The following GCA variants were observed in gnomAD, a reference collection of about 807,000 sequenced individuals.
The protein encoded by GCA is grancalcin.
Under a neutral mutation model 32.6 loss-of-function variants are expected in GCA, and 30 were observed. The ratio of observed to expected loss-of-function variants is 0.92; its 90% CI spans 0.69 to 1.25. The LOEUF (loss-of-function observed/expected upper bound fraction) is 1.25, where lower values mean the gene tolerates loss of function less well. Among genes scored for constraint, GCA ranks in the 50% most tolerant of loss-of-function variants. The pLI, the probability that GCA is intolerant of heterozygous loss-of-function variation, is 0.00. For missense variants in GCA, 291 were observed against 266.8 expected (o/e 1.09, Z -0.63); for synonymous variants, 102 against 84.6 (o/e 1.21, Z -1.13).
intron 1 of GCA, among the ~76,000 whole-genome samples, chr2:162,333,890 C>T (rs1684177486): frequency 6.6e-6 from 1 of 152,098 alleles, no homozygotes; most frequent in African/African-American, 2.4e-5. Flanking sequence ...CACAGTGAAC[C>T]CTAGAGATAG....
intron 1 of GCA, among the ~76,000 whole-genome samples, chr2:162,336,398 A>C (rs1030365122): frequency 2.6e-5 from 4 of 152,194 alleles, no homozygotes; most frequent in African/African-American, 9.6e-5. Context: ...AATGGTTTCT[A>C]TGTCCTCACT....
intron 1 of GCA, among the ~76,000 whole-genome samples, chr2:162,327,817 T>C (rs1490346454): frequency 1.3e-5 from 2 of 152,216 alleles, no homozygotes; most frequent in African/African-American, 4.8e-5. Context: ...ACGCAGCCTG[T>C]AGCAAAACAC....
rs1685539683 is a variant in GCA at position 162,360,823 on chromosome 2, C to T, written c.*580C>T. 1 of 1,220,974 alleles carries T rather than the reference C, an allele frequency of 8.2e-7. No individual in the cohort carries two copies. 75.6% of individuals were successfully genotyped at this position (1,220,974 alleles called of 1,614,324 possible). On this transcript the variant is annotated 3_prime_UTR_variant, in exon 8 of 8. Coordinates refer to ENST00000437150, the MANE Select transcript of GCA (RefSeq NM_012198.5). ...TTCAATCTGTAGTGAAATAAGACTACAGAAGGCATTGTTTTTTCCTTTTTT... is the reference window on the plus strand; with the variant it reads ...TTCAATCTGTAGTGAAATAAGACTATAGAAGGCATTGTTTTTTCCTTTTTT...
chr2:162,374,093 TTTC>T (rs1160206082), downstream of GCA, among the ~76,000 whole-genome samples: 1 of 152,342 alleles, frequency 6.6e-6, no homozygotes, highest in Non-Finnish European at 1.5e-5. Flanking sequence ...CCCAGGATAA[TTTC>T]TTATGTGTTT....
chr2:162,352,315 A>C, intron 2 of GCA, 23 bp from the exon 3 acceptor site: 1 of 1,391,094 alleles, frequency 7.2e-7, no homozygotes, highest in African/African-American at 1.4e-5. Flanking sequence ...ACATTAAATT[A>C]GGTCATAATT....
chr2:162,354,098 A>G (rs141903591), intron 3 of GCA, among the ~76,000 whole-genome samples: 94 of 151,736 alleles, frequency 6.2e-4, no homozygotes, highest in Non-Finnish European at 1.1e-3. Context: ...TTTTTTCCAG[A>G]TTGTTTTTTC....
chr2:162,321,013 G>A lies in GCA; in HGVS notation c.-31+1788G>A, dbSNP rs572978182. Among the ~76,000 whole-genome samples, 4 of 152,250 alleles carry A rather than the reference G, an allele frequency of 2.6e-5. No individual in the cohort carries two copies. The East Asian group carries it at 7.7e-4, about 29-fold the overall frequency. On this transcript the variant is annotated intron_variant, in intron 1 of 4. Coordinates refer to the GCA transcript ENST00000429691. Reference sequence around the variant, plus strand: ...TCTCACAAGTAGGAGTCTCTCTGCTGGATGAGGTCTGAGTGATGAGGATTA... The same window carrying A: ...TCTCACAAGTAGGAGTCTCTCTGCTAGATGAGGTCTGAGTGATGAGGATTA...
Position 162,360,731 on chromosome 2 carries a change from TG to T in GCA, c.*489del. The T allele has an allele frequency of 7.1e-7, 1 of 1,398,838 alleles. No individual in the cohort carries two copies. The highest frequency in any genetic ancestry group is 2.9e-5 in the Admixed American group (1 of 34,044). The allele number at this position is 1,398,838 out of a possible 1,614,324, so 86.7% of individuals were successfully genotyped here. Reference sequence around the variant, plus strand: ...CATGTTTGTAATATAGTTTGTTCCTTGATCAAATAATCAGAGAAAAGAAACT... The same window carrying T: ...CATGTTTGTAATATAGTTTGTTCCTTATCAAATAATCAGAGAAAAGAAACT... On this transcript the variant is annotated 3_prime_UTR_variant, in exon 8 of 8. Coordinates refer to ENST00000437150, the MANE Select transcript of GCA (RefSeq NM_012198.5).
chr2:162,324,735 C>T (rs1313224405), intron 1 of GCA, among the ~76,000 whole-genome samples: 1 of 152,192 alleles, frequency 6.6e-6, no homozygotes, highest in African/African-American at 2.4e-5. Context: ...TTTCCCCTTT[C>T]TGTATCATTT....
intron 2 of GCA, among the ~76,000 whole-genome samples, chr2:162,349,545 A>T (rs1221729776): frequency 6.6e-6 from 1 of 152,060 alleles, no homozygotes; most frequent in Non-Finnish European, 1.5e-5. Flanking sequence ...TGTTTCATTC[A>T]CTTGTTTAAC....
At chr2:162,349,039 T>C (rs922972212) in intron 2 of GCA, among the ~76,000 whole-genome samples, 1 of 151,492 alleles carries the variant, frequency 6.6e-6, no homozygotes, top group Non-Finnish European at 1.5e-5. Context: ...CTGTCTTGTA[T>C]ACTATGTTGT....
chr2:162,348,005 C>T (rs376018684), intron 2 of GCA, among the ~76,000 whole-genome samples: 2 of 152,036 alleles, frequency 1.3e-5, no homozygotes, highest in East Asian at 1.9e-4. Flanking sequence ...TTCTTTCTTA[C>T]CTAGTATGCT....
chr2:162,360,131 G>A, intron 7 of GCA, 86 bp from the exon 8 acceptor site: 1 of 827,012 alleles, frequency 1.2e-6, no homozygotes, highest in East Asian at 3.0e-5. Context: ...TCTCTCTTAA[G>A]AAAATGCTCT....
At chr2:162,364,050 C>T (rs1303386776), downstream of GCA, among the ~76,000 whole-genome samples, 1 of 151,366 alleles carries the variant, frequency 6.6e-6, no homozygotes, top group African/African-American at 2.4e-5. Context: ...TGAGAATTGG[C>T]CTAGATCATC....
intron 1 of GCA, among the ~76,000 whole-genome samples, chr2:162,335,858 A>G (rs1281042902): frequency 6.6e-6 from 1 of 152,222 alleles, no homozygotes; most frequent in African/African-American, 2.4e-5. Context: ...TTCCAGAGTT[A>G]GCATGGATGA....
downstream of GCA, chr2:162,373,503 G>A (rs1346320291): frequency 1.3e-6 from 2 of 1,571,418 alleles, no homozygotes; most frequent in Non-Finnish European, 1.7e-6. Flanking sequence ...GGTCAGTTTT[G>A]ATGGATGCTT....
exon 5 of GCA, chr2:162,371,311 A>C (rs1183997825): frequency 2.3e-6 from 3 of 1,285,392 alleles, no homozygotes; most frequent in Non-Finnish European, 3.0e-6. Flanking sequence ...TCCAGTGTGG[A>C]GGAATGAACG....
chr2:162,345,143 T>TGTG (rs1170987331), intron 1 of GCA, among the ~76,000 whole-genome samples: 1 of 114,048 alleles, frequency 8.8e-6, no homozygotes, highest in African/African-American at 3.1e-5. Context: ...TGGTTGTGGT[T>TGTG]GTGGTTGTTG....
At chr2:162,329,676 AATT>A (rs1480476609) in intron 1 of GCA, among the ~76,000 whole-genome samples, 1 of 151,260 alleles carries the variant, frequency 6.6e-6, no homozygotes, top group Admixed American at 6.6e-5. Context: ...TAATAATAAT[AATT>A]ATTGTTATTT....
Sources: gnomAD v4.1 joint callset for allele counts (sites outside exome capture counted in the v4.1 genomes callset) on GRCh38, gnomAD v4.1.1 for gene constraint, MANE v1.5 for transcripts, NCBI Gene and HGNC (gene_info 2026-07-23, HGNC 2026-07-21) for gene names.